Variants in ZNF618 observed in about 807,000 individuals in gnomAD.
The protein encoded by ZNF618 is zinc finger protein 618.
A neutral mutation model predicts 103.0 loss-of-function variants in ZNF618; 34 were observed. That is an observed-to-expected ratio of 0.33 (90% CI 0.25 to 0.44). The LOEUF is 0.44. Ranked by LOEUF, ZNF618 falls within the 20% of genes least tolerant of loss-of-function variation. ZNF618 has a pLI of 1.00. For missense variants in ZNF618, 1,059 were observed against 1,295.4 expected (o/e 0.82, Z 2.80); for synonymous variants, 551 against 542.2 (o/e 1.02, Z -0.23).
At chr9:113,883,912 C>CCTCCTGG (rs1587921749) in intron 1 of ZNF618, among the ~76,000 whole-genome samples, 1 of 144,962 alleles carries the variant, frequency 6.9e-6, no homozygotes, top group East Asian at 2.1e-4. Flanking sequence ...GTGTTGTTGT[C>CCTCCTGG]CTCCTGGTGG....
chr9:114,050,440 A>ACG lies in ZNF618; in HGVS notation c.*275_*276dup, dbSNP rs558545811. 173 of 319,630 alleles carry ACG rather than the reference A, an allele frequency of 5.4e-4. No homozygotes were observed. The highest frequency in any genetic ancestry group is 6.3e-4 in the East Asian group (10 of 15,834). 19.8% of individuals were successfully genotyped at this position (319,630 alleles called of 1,614,324 possible). A position where few individuals can be genotyped will look rare whatever the true frequency, so the allele number is the denominator to read the frequency against. ...CCATGGCCAGAGAAACTTTGCACAC[A>ACG]CGCACACACACACACACACACACAC... is the stretch of plus-strand genomic sequence containing the variant. On this transcript the variant is annotated 3_prime_UTR_variant, in exon 15 of 15. Transcript: ENST00000374126.
rs556630790 is a variant in ZNF618 at position 114,040,893 on chromosome 9, G to C, written c.1246+4516G>C. On this transcript the variant is annotated intron_variant, in intron 13 of 14. Coordinates refer to ENST00000374126, the MANE Select transcript of ZNF618 (RefSeq NM_001318042.2). ...ATGGTGTTTCTAGTTCTAGATCCTTGAGGAATCGCCACACTGTCTTCCACA... is the reference window on the plus strand; with the variant it reads ...ATGGTGTTTCTAGTTCTAGATCCTTCAGGAATCGCCACACTGTCTTCCACA... 1.1e-4 allele frequency among the ~76,000 whole-genome samples: 17 copies of C among 152,326 alleles called. 1 individual carries two copies. In the South Asian group the frequency reaches 3.5e-3, roughly 32 times the overall value.
At chr9:113,941,964 A>G (rs1200567357) in intron 1 of ZNF618, among the ~76,000 whole-genome samples, 2 of 152,226 alleles carry the variant, frequency 1.3e-5, no homozygotes, top group African/African-American at 4.8e-5. Context: ...CTCCAGACTC[A>G]CTTTCCTCCT....
intron 1 of ZNF618, among the ~76,000 whole-genome samples, chr9:113,935,243 G>A (rs528014531): frequency 6.6e-6 from 1 of 152,298 alleles, no homozygotes; most frequent in African/African-American, 2.4e-5. Flanking sequence ...TCTGGGTAGT[G>A]CCCCTGTGGG....
intron 5 of ZNF618, among the ~76,000 whole-genome samples, chr9:114,002,277 G>A (rs1046804340): frequency 3.3e-5 from 5 of 152,130 alleles, no homozygotes; most frequent in African/African-American, 1.2e-4. Context: ...TGTGGGAGGG[G>A]GACTCTGCAG....
rs1055665157 is a variant in ZNF618, at chr9:114,052,010, T to G, written c.*1843T>G. The G allele has an allele frequency of 4.6e-5, 7 of 152,534 alleles. No homozygotes were observed. The highest frequency in any genetic ancestry group is 1.7e-4 in the African/African-American group (7 of 41,422). 9.4% of individuals were successfully genotyped at this position (152,534 alleles called of 1,614,324 possible). ...GCGGGAGGCTGTTTGCAAAGGCACC[T>G]TCTGTCATCCTGGGGTTGGCTAAGT... On this transcript the variant is annotated 3_prime_UTR_variant, in exon 15 of 15. Transcript: ENST00000374126.
intron 1 of ZNF618, among the ~76,000 whole-genome samples, chr9:113,944,261 T>C (rs1834805132): frequency 1.3e-5 from 2 of 152,198 alleles, no homozygotes; most frequent in East Asian, 1.9e-4. Context: ...TAGATGAAAA[T>C]AAATCTTTTG....
intron 1 of ZNF618, among the ~76,000 whole-genome samples, chr9:113,962,746 G>A (rs993710973): frequency 2.0e-5 from 3 of 152,114 alleles, no homozygotes; most frequent in Non-Finnish European, 4.4e-5. Flanking sequence ...ATTGCAGCCT[G>A]TGGCTCCTCC....
chr9:113,974,995 T>C (rs939370192), intron 2 of ZNF618, among the ~76,000 whole-genome samples: 1 of 152,232 alleles, frequency 6.6e-6, no homozygotes, highest in South Asian at 2.1e-4. Flanking sequence ...ATAATATATA[T>C]ACCCTTAGCA....
At chr9:113,970,208 C>A (rs1837819686) in intron 2 of ZNF618, among the ~76,000 whole-genome samples, 1 of 151,832 alleles carries the variant, frequency 6.6e-6, no homozygotes, top group African/African-American at 2.4e-5. Context: ...GTTTCTCAAA[C>A]TTCTTAACTA....
intron 12 of ZNF618, among the ~76,000 whole-genome samples, chr9:114,034,341 G>A (rs115745749): frequency 0.019 from 2,938 of 152,190 alleles, 100 homozygotes; most frequent in African/African-American, 0.067. Context: ...CTCCAGATGT[G>A]CCCTGTGCTC....
At chr9:113,975,428 C>G (rs1838383787) in intron 2 of ZNF618, among the ~76,000 whole-genome samples, 1 of 152,144 alleles carries the variant, frequency 6.6e-6, no homozygotes, top group South Asian at 2.1e-4. Flanking sequence ...ATATCTTCTT[C>G]TTGTTTACCA....
chr9:114,000,356 T>C (rs1841068508), intron 4 of ZNF618, among the ~76,000 whole-genome samples: 1 of 152,314 alleles, frequency 6.6e-6, no homozygotes, highest in East Asian at 1.9e-4. Flanking sequence ...AAAAAGGATG[T>C]GTCCGAGATC....
At chr9:113,968,296 T>C (rs1357650587) in intron 1 of ZNF618, among the ~76,000 whole-genome samples, 1 of 152,216 alleles carries the variant, frequency 6.6e-6, no homozygotes, top group Non-Finnish European at 1.5e-5. Context: ...ACATTACCTT[T>C]CTAAAATTGG....
rs749531173 is a variant in ZNF618 at position 114,002,715 on chromosome 9, G to A, written c.550+53G>A. The A allele has an allele frequency of 1.9e-6, 3 of 1,593,434 alleles. No homozygotes were observed. In the Admixed American group the frequency reaches 5.0e-5, roughly 27 times the overall value. On this transcript the variant is annotated intron_variant, in intron 6 of 14. Transcript: ENST00000374126. Reference sequence around the variant, plus strand: ...GCTGAGGGGCGAGGGCTTGGGGTGGGATGAAGAGGAGCTGCTTGTCCCCTC... The same window carrying A: ...GCTGAGGGGCGAGGGCTTGGGGTGGAATGAAGAGGAGCTGCTTGTCCCCTC...
chr9:113,964,008 T>C (rs913128403), intron 1 of ZNF618, among the ~76,000 whole-genome samples: 2 of 152,184 alleles, frequency 1.3e-5, no homozygotes, highest in Non-Finnish European at 2.9e-5. Flanking sequence ...CATTCAATTC[T>C]CTAGAGACCA....
chr9:113,909,152 C>T (rs368144684), intron 1 of ZNF618, among the ~76,000 whole-genome samples: 2 of 152,054 alleles, frequency 1.3e-5, no homozygotes, highest in South Asian at 2.1e-4. Context: ...GCTTGAGGTG[C>T]CTCATTTGGA....
chr9:114,036,387 A>G lies in ZNF618; in HGVS notation c.1246+10A>G, dbSNP rs1328319961. 1 of 1,567,804 alleles carries G rather than the reference A, an allele frequency of 6.4e-7. No homozygotes were observed. Among genetic ancestry groups the G allele is most frequent in the Non-Finnish European group, 8.7e-7 (1 of 1,155,720 alleles). ...ATGCAGTCCCATGCAGGTAAGTAGG[A>G]TACGGCTTCTCTCCCCCTCTCCTTC... is the stretch of plus-strand genomic sequence containing the variant. On this transcript the variant is annotated intron_variant, in intron 13 of 14. Coordinates refer to ENST00000374126, the MANE Select transcript of ZNF618 (RefSeq NM_001318042.2).
intron 1 of ZNF618, among the ~76,000 whole-genome samples, chr9:113,920,501 A>G (rs1394686142): frequency 6.6e-6 from 1 of 151,824 alleles, no homozygotes; most frequent in Non-Finnish European, 1.5e-5. Context: ...TTCTAGGTTC[A>G]AGCGATTGTC....
Sources: gnomAD v4.1 joint callset for allele counts (sites outside exome capture counted in the v4.1 genomes callset) on GRCh38, gnomAD v4.1.1 for gene constraint, MANE v1.5 for transcripts, NCBI Gene and HGNC (gene_info 2026-07-23, HGNC 2026-07-21) for gene names.